Variants in NCKAP5 observed in about 807,000 individuals in gnomAD.
NCKAP5 encodes NCK associated protein 5.
In NCKAP5, 92 loss-of-function variants were observed where a neutral mutation model predicts 167.0. The observed-to-expected ratio is 0.55, with a 90% CI of 0.47 to 0.66. The LOEUF (loss-of-function observed/expected upper bound fraction) is 0.66. Ranked by LOEUF, NCKAP5 falls within the 30% of genes least tolerant of loss-of-function variation. The pLI is 0.00. For missense variants in NCKAP5, 2,378 were observed against 2,315.0 expected (o/e 1.03, Z -0.56); for synonymous variants, 891 against 877.4 (o/e 1.02, Z -0.27).
chr2:133,553,882 T>A (rs1455205558), intron 2 of NCKAP5, among the ~76,000 whole-genome samples: 1 of 152,218 alleles, frequency 6.6e-6, no homozygotes, highest in African/African-American at 2.4e-5. Context: ...TAATACACAT[T>A]TATTATCTCA....
At chr2:133,328,621 A>G (rs1041165512) in intron 3 of NCKAP5, among the ~76,000 whole-genome samples, 5 of 152,202 alleles carry the variant, frequency 3.3e-5, no homozygotes, top group African/African-American at 1.2e-4. Flanking sequence ...ATGAACACGT[A>G]ATTGGAGCAT....
At chr2:133,584,260 C>T in the NCKAP5 span, among the ~76,000 whole-genome samples, 1 of 152,092 alleles carries the variant, frequency 6.6e-6, no homozygotes, top group African/African-American at 2.4e-5. Context: ...CTTAAGAAAG[C>T]TCTGCACTTT....
chr2:132,978,160 G>A (rs577313034), intron 7 of NCKAP5, among the ~76,000 whole-genome samples: 1 of 152,326 alleles, frequency 6.6e-6, no homozygotes, highest in African/African-American at 2.4e-5. Flanking sequence ...ACAGAAAAGT[G>A]CATCCAAAAC....
intron 3 of NCKAP5, among the ~76,000 whole-genome samples, chr2:133,445,669 G>A (rs2196338): frequency 0.23 from 34,208 of 151,944 alleles, 4,058 homozygotes; most frequent in African/African-American, 0.27. Context: ...ATTAAATTGC[G>A]ATTCCACCTG....
At chr2:133,549,353 C>T (rs1440848445) in intron 2 of NCKAP5, among the ~76,000 whole-genome samples, 167 of 149,788 alleles carry the variant, frequency 1.1e-3, no homozygotes, top group African/African-American at 4.0e-3. Context: ...AAGTAAAGCT[C>T]TCCTCAGCAA....
At chr2:133,537,245 C>T (rs1685833418) in intron 2 of NCKAP5, among the ~76,000 whole-genome samples, 1 of 152,032 alleles carries the variant, frequency 6.6e-6, no homozygotes, top group Admixed American at 6.5e-5. Flanking sequence ...CTTCCAACTT[C>T]ATTCTTTATT....
chr2:132,708,697 T>G (rs1053114171), intron 19 of NCKAP5, among the ~76,000 whole-genome samples: 1 of 152,236 alleles, frequency 6.6e-6, no homozygotes, highest in South Asian at 2.1e-4. Flanking sequence ...GAGCGCTTCA[T>G]GTGTTTATTA....
chr2:133,502,968 A>G (rs1442601956), intron 3 of NCKAP5, among the ~76,000 whole-genome samples: 5 of 152,148 alleles, frequency 3.3e-5, no homozygotes, highest in Non-Finnish European at 5.9e-5. Context: ...ATCTGAAACG[A>G]TCCTAGGTCA....
rs375043417 is a variant in NCKAP5, at chr2:132,794,608, C to T, written c.909+2020G>A. 1.1e-4 allele frequency among the ~76,000 whole-genome samples: 16 copies of T among 149,856 alleles called. No homozygotes were observed. In the East Asian group the frequency reaches 3.2e-3, roughly 30 times the overall value. On this transcript the variant is annotated intron_variant, in intron 12 of 19. Transcript: ENST00000409261. ...CCGAGATCATGCCACTGTACTCCAGCCTGGGCAACAGAGTGAGACTTCATC... is the reference window on the plus strand; with the variant it reads ...CCGAGATCATGCCACTGTACTCCAGTCTGGGCAACAGAGTGAGACTTCATC...
intron 8 of NCKAP5, among the ~76,000 whole-genome samples, chr2:132,893,811 C>T (rs780517419): frequency 6.6e-6 from 1 of 152,024 alleles, no homozygotes; most frequent in Non-Finnish European, 1.5e-5. Flanking sequence ...CAATGTTTTG[C>T]TTCATTATTT....
chr2:132,861,441 T>C (rs1689902641), intron 10 of NCKAP5, among the ~76,000 whole-genome samples: 1 of 152,090 alleles, frequency 6.6e-6, no homozygotes, highest in Admixed American at 6.6e-5. Context: ...AATTCAAGGT[T>C]CTTCAAAAGC....
chr2:133,204,041 A>C (rs954686744), intron 5 of NCKAP5, among the ~76,000 whole-genome samples: 1 of 152,178 alleles, frequency 6.6e-6, no homozygotes, highest in African/African-American at 2.4e-5. Flanking sequence ...TCTATCTTTT[A>C]CCTTCACAGT....
chr2:133,654,777 T>C, the NCKAP5 span, among the ~76,000 whole-genome samples: 675 of 152,288 alleles, frequency 4.4e-3, 7 homozygotes, highest in African/African-American at 0.015. Context: ...GTTTGACAAG[T>C]GTAATTGGTG....
intron 8 of NCKAP5, among the ~76,000 whole-genome samples, chr2:132,951,556 C>G (rs781257356): frequency 2.0e-5 from 3 of 152,096 alleles, no homozygotes; most frequent in Non-Finnish European, 2.9e-5. Context: ...TAGTGAGGCT[C>G]TAGGGTTGGA....
intron 19 of NCKAP5, among the ~76,000 whole-genome samples, chr2:132,704,788 T>C (rs958523550): frequency 7.2e-5 from 11 of 152,186 alleles, no homozygotes; most frequent in African/African-American, 2.7e-4. Context: ...AACCTAACTG[T>C]GTGAAGTCTA....
intron 11 of NCKAP5, among the ~76,000 whole-genome samples, chr2:132,830,876 G>A (rs939112699): frequency 2.0e-5 from 3 of 152,136 alleles, no homozygotes; most frequent in Non-Finnish European, 4.4e-5. Context: ...TATAGTAAAA[G>A]TGGAAGTCTT....
intron 4 of NCKAP5, among the ~76,000 whole-genome samples, chr2:133,251,724 G>C (rs13413333): frequency 1.3e-5 from 2 of 152,004 alleles, no homozygotes; most frequent in Non-Finnish European, 2.9e-5. Flanking sequence ...AATTACACTT[G>C]CATCCCAGTA....
chr2:132,689,219 G>A (rs1686396897), intron 19 of NCKAP5, among the ~76,000 whole-genome samples: 1 of 152,052 alleles, frequency 6.6e-6, no homozygotes, highest in Non-Finnish European at 1.5e-5. Flanking sequence ...TCAACTCAAA[G>A]AACTGGCTCC....
At chr2:133,425,806 A>G (rs1284095324) in intron 3 of NCKAP5, among the ~76,000 whole-genome samples, 1 of 152,230 alleles carries the variant, frequency 6.6e-6, no homozygotes, top group Non-Finnish European at 1.5e-5. Context: ...GCTAAACAGA[A>G]AATGCACAGT....
Sources: gnomAD v4.1 joint callset for allele counts (sites outside exome capture counted in the v4.1 genomes callset) on GRCh38, gnomAD v4.1.1 for gene constraint, MANE v1.5 for transcripts, NCBI Gene and HGNC (gene_info 2026-07-23, HGNC 2026-07-21) for gene names.